The following UNC5B variants were observed in gnomAD, a reference collection of about 807,000 sequenced individuals.
UNC5B encodes netrin receptor UNC5B.
UNC5B carries 56 observed loss-of-function variants against 103.7 expected under a neutral mutation model. That is an observed-to-expected ratio of 0.54 (90% confidence interval 0.44 to 0.67). The LOEUF is 0.67. Among genes scored for constraint, UNC5B ranks in the 30% least tolerant of loss-of-function variants. The pLI, the probability that UNC5B is intolerant of heterozygous loss-of-function variation, is 0.00. For missense variants in UNC5B, 1,194 were observed against 1,284.5 expected (o/e 0.93, Z 1.08); for synonymous variants, 577 against 542.0 (o/e 1.06, Z -0.90).
At chr10:71,252,166 T>C (rs1190083507) in intron 1 of UNC5B, among the ~76,000 whole-genome samples, 1 of 152,248 alleles carries the variant, frequency 6.6e-6, no homozygotes, top group African/African-American at 2.4e-5. Flanking sequence ...GTCTAGTCCC[T>C]ATATAGTTGA....
chr10:71,285,299 G>C (rs757292306), intron 3 of UNC5B, 27 bp from the exon 4 acceptor site: 14 of 1,589,474 alleles, frequency 8.8e-6, no homozygotes, highest in Non-Finnish European at 1.2e-5. Flanking sequence ...GCACCTGACT[G>C]CCTTGGGACC....
In UNC5B at chr10:71,279,816, T is replaced by C; in HGVS notation, c.80-5T>C. 6.2e-7 allele frequency: 1 copy of C among 1,612,062 alleles called. No homozygotes were observed. The highest frequency in any genetic ancestry group is 8.5e-7 in the Non-Finnish European group (1 of 1,179,374). ...GCCTCATGGAGGTCTCCACTCACTC[T>C]GCAGGCACTGATTCTGGCAGCGAGG... On this transcript the variant is annotated splice_region_variant and splice_polypyrimidine_tract_variant and intron_variant, in intron 1 of 16. Coordinates refer to ENST00000335350, the MANE Select transcript of UNC5B (RefSeq NM_170744.5).
intron 1 of UNC5B, among the ~76,000 whole-genome samples, chr10:71,274,709 C>T (rs971758889): frequency 4.6e-5 from 7 of 152,100 alleles, no homozygotes; most frequent in Admixed American, 2.0e-4. Flanking sequence ...TCCAGAGGTG[C>T]TGGTGGTCAT....
At chr10:71,251,728 T>C (rs567612097) in intron 1 of UNC5B, among the ~76,000 whole-genome samples, 24 of 152,308 alleles carry the variant, frequency 1.6e-4, no homozygotes, top group Admixed American at 1.6e-3. Context: ...CCTTGCCACA[T>C]AGGGGAATGA....
At chr10:71,226,155 A>G (rs927488530) in intron 1 of UNC5B, among the ~76,000 whole-genome samples, 3 of 152,192 alleles carry the variant, frequency 2.0e-5, no homozygotes, top group Admixed American at 2.0e-4. Flanking sequence ...GCTCACTGCA[A>G]TCTCTGCCTC....
chr10:71,266,882 T>C (rs1228286078), intron 1 of UNC5B, among the ~76,000 whole-genome samples: 2 of 152,202 alleles, frequency 1.3e-5, no homozygotes, highest in African/African-American at 4.8e-5. Flanking sequence ...CTGAGTAGCA[T>C]GATGGAATCT....
chr10:71,284,913 C>G, intron 3 of UNC5B, 50 bp downstream of exon 3: 1 of 1,540,826 alleles, frequency 6.5e-7, no homozygotes, highest in Admixed American at 1.9e-5. Flanking sequence ...TTCCCCATCC[C>G]TGAGGATGCT....
intron 1 of UNC5B, among the ~76,000 whole-genome samples, chr10:71,259,851 G>A (rs1394473533): frequency 6.6e-6 from 1 of 152,234 alleles, no homozygotes; most frequent in African/African-American, 2.4e-5. Flanking sequence ...TCTCAAGGGT[G>A]TATTCTGCCC....
rs761773999 is a variant in UNC5B, at chr10:71,293,942, A to G, written c.2175+9A>G. On this transcript the variant is annotated intron_variant, in intron 13 of 16. Coordinates refer to ENST00000335350, the MANE Select transcript of UNC5B (RefSeq NM_170744.5). Reference sequence around the variant, plus strand: ...CGCCTGTAGCACTGAAGGTAGGGCCAGCTGCAGGTGCCCACACAGCCCTGG... The same window carrying G: ...CGCCTGTAGCACTGAAGGTAGGGCCGGCTGCAGGTGCCCACACAGCCCTGG... 6 of 1,583,258 alleles carry G rather than the reference A, an allele frequency of 3.8e-6. No individual in the cohort carries two copies. The Admixed American group carries it at 6.8e-5, about 18-fold the overall frequency.
chr10:71,289,724 G>C (rs992854534), intron 8 of UNC5B, among the ~76,000 whole-genome samples: 2 of 152,236 alleles, frequency 1.3e-5, no homozygotes, highest in Non-Finnish European at 2.9e-5. Context: ...AGGAGGCAGA[G>C]CCAAGCTGGG....
intron 13 of UNC5B, 150 bp downstream of exon 13, chr10:71,294,083 A>G: frequency 1.4e-6 from 1 of 724,292 alleles, no homozygotes; most frequent in Non-Finnish European, 2.2e-6. Context: ...CACACACTGA[A>G]ACAGCCTTGG....
chr10:71,273,717 G>C (rs75495318), intron 1 of UNC5B, among the ~76,000 whole-genome samples: 1 of 152,186 alleles, frequency 6.6e-6, no homozygotes. Flanking sequence ...ACTCCTAGAC[G>C]GGCGCCCTGT....
At chr10:71,230,194 C>T (rs1843655667) in intron 1 of UNC5B, among the ~76,000 whole-genome samples, 1 of 152,110 alleles carries the variant, frequency 6.6e-6, no homozygotes, top group African/African-American at 2.4e-5. Context: ...CATGTTTTCC[C>T]TAGGGGAACT....
intron 1 of UNC5B, among the ~76,000 whole-genome samples, chr10:71,257,545 G>A (rs1193169267): frequency 1.3e-5 from 2 of 152,194 alleles, no homozygotes; most frequent in African/African-American, 4.8e-5. Context: ...TGACTGGGTG[G>A]TGAGCTTCCT....
chr10:71,227,628 A>G (rs1039056429), intron 1 of UNC5B, among the ~76,000 whole-genome samples: 4 of 145,258 alleles, frequency 2.8e-5, no homozygotes, highest in African/African-American at 7.6e-5. Flanking sequence ...ATACATATAT[A>G]CATATATATA....
chr10:71,287,091 A>C (rs530077143), intron 5 of UNC5B, among the ~76,000 whole-genome samples: 42 of 152,330 alleles, frequency 2.8e-4, no homozygotes, highest in Non-Finnish European at 5.1e-4. Context: ...CTAACTCTGA[A>C]GGAGTTCTCC....
At position 71,212,886 on chromosome 10, in the gene UNC5B, G is replaced by A; in HGVS notation, c.-100G>A. 3 of 1,001,498 alleles carry A rather than the reference G, an allele frequency of 3.0e-6. No individual in the cohort carries two copies. Among genetic ancestry groups the A allele is most frequent in the Non-Finnish European group, 3.9e-6 (3 of 778,232 alleles). 62.0% of individuals were successfully genotyped at this position (1,001,498 alleles called of 1,614,324 possible). ...GCTGGCGCTGCCGGGCGCCGGGGAG[G>A]ACGGCGAGGAGGAGGCGGCGGCGGC... On this transcript the variant is annotated 5_prime_UTR_variant, in exon 1 of 17. Coordinates refer to ENST00000335350, the MANE Select transcript of UNC5B (RefSeq NM_170744.5).
intron 1 of UNC5B, among the ~76,000 whole-genome samples, chr10:71,220,122 G>A (rs1316997307): frequency 2.0e-5 from 3 of 152,140 alleles, no homozygotes; most frequent in East Asian, 1.9e-4. Context: ...GAATGTGTGC[G>A]CTTGGGTCAC....
At chr10:71,258,431 T>A (rs1844341779) in intron 1 of UNC5B, among the ~76,000 whole-genome samples, 1 of 152,238 alleles carries the variant, frequency 6.6e-6, no homozygotes, top group South Asian at 2.1e-4. Flanking sequence ...CTCAGCCATT[T>A]TTGTTTCTTG....
Sources: gnomAD v4.1 joint callset for allele counts (sites outside exome capture counted in the v4.1 genomes callset) on GRCh38, gnomAD v4.1.1 for gene constraint, MANE v1.5 for transcripts, NCBI Gene and HGNC (gene_info 2026-07-23, HGNC 2026-07-21) for gene names.